Variants in LRSAM1 observed in about 807,000 individuals in gnomAD.
LRSAM1 encodes the protein E3 ubiquitin-protein ligase LRSAM1.
Under a neutral mutation model 118.1 loss-of-function variants are expected in LRSAM1, and 96 were observed. The ratio of observed to expected loss-of-function variants is 0.81; its 90% CI spans 0.69 to 0.96. The LOEUF (loss-of-function observed/expected upper bound fraction) is 0.96. LRSAM1 is among the 40% of genes least tolerant of loss of function. The pLI is 0.00. For synonymous variants in LRSAM1, 322 were observed against 364.2 expected (o/e 0.88, Z 1.32); for missense variants, 804 against 915.5 (o/e 0.88, Z 1.57).
intron 11 of LRSAM1, among the ~76,000 whole-genome samples, chr9:127,477,466 T>C (rs1835381504): frequency 6.6e-6 from 1 of 152,210 alleles, no homozygotes; most frequent in African/African-American, 2.4e-5. Context: ...AAAATACCTG[T>C]GTGCCAGGCG....
chr9:127,468,416 A>G (rs1835038854), intron 10 of LRSAM1, among the ~76,000 whole-genome samples: 2 of 152,220 alleles, frequency 1.3e-5, no homozygotes, highest in Admixed American at 6.5e-5. Context: ...ACCCGGAGCC[A>G]GCACTGGCTG....
chr9:127,474,309 C>G (rs145114464), intron 11 of LRSAM1, among the ~76,000 whole-genome samples: 100 of 151,280 alleles, frequency 6.6e-4, no homozygotes, highest in African/African-American at 2.4e-3. Context: ...GCTCCATCAC[C>G]CAGGCTGGAG....
At chr9:127,502,485 G>A (rs1251971616) in intron 25 of LRSAM1, among the ~76,000 whole-genome samples, 1 of 152,052 alleles carries the variant, frequency 6.6e-6, no homozygotes, top group Non-Finnish European at 1.5e-5. Flanking sequence ...AGGAGTTCGA[G>A]ACTAGCCTGA....
chr9:127,492,217 G>A (rs1270901221), intron 20 of LRSAM1, among the ~76,000 whole-genome samples: 3 of 152,226 alleles, frequency 2.0e-5, no homozygotes, highest in Non-Finnish European at 4.4e-5. Flanking sequence ...TCAGGCCATC[G>A]GAGAAGGCTG....
intron 9 of LRSAM1, among the ~76,000 whole-genome samples, chr9:127,466,895 C>A (rs889927728): frequency 1.3e-5 from 2 of 151,990 alleles, no homozygotes; most frequent in African/African-American, 4.8e-5. Context: ...CCCAGCTACT[C>A]AGGAGGCTGA....
chr9:127,462,226 G>A (rs960893636), intron 8 of LRSAM1, 26 bp from the exon 9 acceptor site: 9 of 1,613,674 alleles, frequency 5.6e-6, no homozygotes, highest in South Asian at 1.1e-5. Flanking sequence ...TTGGGGTGTT[G>A]AGCTGTGCTA....
At chr9:127,491,607 T>G (rs1379113369) in intron 20 of LRSAM1, among the ~76,000 whole-genome samples, 1 of 152,240 alleles carries the variant, frequency 6.6e-6, no homozygotes, top group African/African-American at 2.4e-5. Flanking sequence ...GGCCCGCCGC[T>G]GAGCTCCTGT....
intron 9 of LRSAM1, among the ~76,000 whole-genome samples, chr9:127,467,185 G>A (rs1483769237): frequency 6.6e-6 from 1 of 152,076 alleles, no homozygotes; most frequent in Non-Finnish European, 1.5e-5. Flanking sequence ...AGGGGAGGGG[G>A]GAGTTTAGCT....
At chr9:127,489,319 C>A in intron 18 of LRSAM1, 125 bp from the exon 19 acceptor site, 1 of 1,121,370 alleles carries the variant, frequency 8.9e-7, no homozygotes. Context: ...GAAATCTTCT[C>A]CCTCTCTCAG....
chr9:127,491,997 G>C (rs755294613), intron 20 of LRSAM1, among the ~76,000 whole-genome samples: 1 of 152,316 alleles, frequency 6.6e-6, no homozygotes, highest in Non-Finnish European at 1.5e-5. Flanking sequence ...CAGAGCCTTC[G>C]GTCTGTCACT....
Position 127,479,849 on chromosome 9 carries a change from G to T in LRSAM1, c.914G>T (p.Arg305Leu). 1 of 1,612,764 alleles carries T rather than the reference G, an allele frequency of 6.2e-7. No individual in the cohort carries two copies. Among genetic ancestry groups the T allele is most frequent in the South Asian group, 1.1e-5 (1 of 90,978 alleles). The change falls in exon 14 of 26, where the codon CGG (arginine) becomes CTG (leucine). Residue 305 changes from arginine (R) to leucine (L), a missense_variant. Physicochemically the swap from Arg to Leu is moderately radical, Grantham distance 102 (BLOSUM62 -2). Coordinates refer to ENST00000300417, the MANE Select transcript of LRSAM1 (RefSeq NM_001005373.4). ...TACCTCCGGCTGCAGGAGCAGTCCC[G>T]GCTGGAGCAGGGCCTGAGTGAGCAC... Reference protein sequence around the residue: ...ILQTVKEEQSRLEQGLSEHQR... With the variant: ...ILQTVKEEQSLLEQGLSEHQR...
intron 15 of LRSAM1, among the ~76,000 whole-genome samples, chr9:127,482,194 G>GT (rs1363413482): frequency 2.4e-4 from 34 of 143,354 alleles, no homozygotes; most frequent in Admixed American, 9.5e-4. Flanking sequence ...CCAGGCTGGA[G>GT]TGCAGTGGCA....
chr9:127,467,953 T>G lies in LRSAM1; in HGVS notation c.619+123T>G, dbSNP rs1345606887. ...GGCCACAGTGCCTACCTGCTTGGAGTTCGAGGTCTGGCAAGGGAAACAGGC... is the reference window on the plus strand; with the variant it reads ...GGCCACAGTGCCTACCTGCTTGGAGGTCGAGGTCTGGCAAGGGAAACAGGC... On this transcript the variant is annotated intron_variant, in intron 10 of 25. Transcript: ENST00000300417. The G allele has an allele frequency of 6.4e-6, 6 of 940,780 alleles. No individual in the cohort carries two copies. In the East Asian group the frequency reaches 1.3e-4, roughly 21 times the overall value. The allele number at this position is 940,780 out of a possible 1,614,324, so 58.3% of individuals were successfully genotyped here.
At chr9:127,459,219 T>G in intron 7 of LRSAM1, 148 bp downstream of exon 7, 1 of 485,790 alleles carries the variant, frequency 2.1e-6, no homozygotes, top group Non-Finnish European at 3.4e-6. Flanking sequence ...CCTTTGGGGT[T>G]TTTTTTTTTT....
chr9:127,485,604 C>A, intron 16 of LRSAM1, 132 bp from the exon 17 acceptor site: 1 of 811,484 alleles, frequency 1.2e-6, no homozygotes, highest in Non-Finnish European at 2.2e-6. Flanking sequence ...TTTAAGATAA[C>A]TATCAGGTAG....
intron 25 of LRSAM1, among the ~76,000 whole-genome samples, chr9:127,501,412 A>C (rs1836387862): frequency 6.6e-6 from 1 of 151,970 alleles, no homozygotes; most frequent in Non-Finnish European, 1.5e-5. Context: ...TATCAACAAC[A>C]TGATTTACCC....
At chr9:127,455,700 T>C in intron 5 of LRSAM1, 80 bp downstream of exon 5, 1 of 1,386,476 alleles carries the variant, frequency 7.2e-7, no homozygotes, top group Non-Finnish European at 1.0e-6. Flanking sequence ...TGAGGAGCTG[T>C]CTTCCCGGCG....
chr9:127,493,262 A>G (rs1325295085), intron 21 of LRSAM1, among the ~76,000 whole-genome samples: 3 of 151,958 alleles, frequency 2.0e-5, no homozygotes, highest in African/African-American at 7.3e-5. Context: ...GGGTTTCGCT[A>G]TGTTGCCCAG....
At chr9:127,501,236 C>T in intron 25 of LRSAM1, 93 bp downstream of exon 25, 1 of 1,487,030 alleles carries the variant, frequency 6.7e-7, no homozygotes, top group South Asian at 1.2e-5. Context: ...CGTGTTTTCT[C>T]CAGTTCTCTA....
Sources: gnomAD v4.1 joint callset for allele counts (sites outside exome capture counted in the v4.1 genomes callset) on GRCh38, gnomAD v4.1.1 for gene constraint, MANE v1.5 for transcripts, NCBI Gene and HGNC (gene_info 2026-07-23, HGNC 2026-07-21) for gene names.